Variants in GALNT14 observed in about 807,000 individuals in gnomAD.
GALNT14 encodes polypeptide N-acetylgalactosaminyltransferase 14, also known as UDP-GalNAc:polypeptide N-acetylgalactosaminyltransferase 14.
In GALNT14, 60 loss-of-function variants were observed where a neutral mutation model predicts 77.5. The observed-to-expected ratio is 0.77, with a 90% CI of 0.63 to 0.96. GALNT14 has a LOEUF of 0.96. GALNT14 is among the 40% of genes least tolerant of loss of function. The pLI is 0.00. For synonymous variants in GALNT14, 280 were observed against 281.7 expected (o/e 0.99, Z 0.06); for missense variants, 710 against 731.0 (o/e 0.97, Z 0.33).
intron 2 of GALNT14, among the ~76,000 whole-genome samples, chr2:30,975,414 T>C (rs1456019621): frequency 2.0e-5 from 3 of 152,248 alleles, no homozygotes; most frequent in African/African-American, 7.2e-5. Flanking sequence ...TAAATGTGTC[T>C]GCTCTGAATG....
chr2:30,892,227 C>T, the GALNT14 span, among the ~76,000 whole-genome samples: 27 of 151,914 alleles, frequency 1.8e-4, 1 homozygote, highest in Non-Finnish European at 3.5e-4. Context: ...AGAAACAAAT[C>T]CAAAGAAAAT....
chr2:30,970,013 T>C (rs117925623), intron 2 of GALNT14, among the ~76,000 whole-genome samples: 3,459 of 152,328 alleles, frequency 0.023, 143 homozygotes, highest in East Asian at 0.21. Context: ...ATAACAATTC[T>C]GGAAGATTTT....
rs1274899253 is a variant in GALNT14 at position 31,072,272 on chromosome 2, CACACACACAT to C, written c.129+65676_129+65685del. 1.2e-4 allele frequency among the ~76,000 whole-genome samples: 5 copies of C among 42,942 alleles called. No homozygotes were observed. In the South Asian group the frequency reaches 1.4e-3, roughly 12 times the overall value. 28.2% of individuals were successfully genotyped at this position (42,942 alleles called of 152,430 possible). A position where few individuals can be genotyped will look rare whatever the true frequency, so the allele number is the denominator to read the frequency against. ...CTCTTTTCTCTCTCTCTCACACACACACACACACATACACACACACACACACACACATACA... is the reference window on the plus strand; with the variant it reads ...CTCTTTTCTCTCTCTCTCACACACACACACACACACACACACACACATACA... On this transcript the variant is annotated intron_variant, in intron 1 of 14. Coordinates refer to ENST00000349752, the MANE Select transcript of GALNT14 (RefSeq NM_024572.4).
At chr2:30,923,585 G>A (rs1040453946) in intron 13 of GALNT14, among the ~76,000 whole-genome samples, 2 of 152,188 alleles carry the variant, frequency 1.3e-5, no homozygotes, top group African/African-American at 4.8e-5. Context: ...AGGTGAAGCT[G>A]GGGATGAAGA....
chr2:31,033,716 C>A (rs1245417051), intron 1 of GALNT14, among the ~76,000 whole-genome samples: 2 of 152,116 alleles, frequency 1.3e-5, no homozygotes, highest in Non-Finnish European at 2.9e-5. Flanking sequence ...TTTGTCCATC[C>A]TATCCCCAGC....
At chr2:31,076,629 A>AT (rs35108670) in intron 1 of GALNT14, among the ~76,000 whole-genome samples, 3,822 of 101,858 alleles carry the variant, frequency 0.038, 97 homozygotes, top group African/African-American at 0.082. Flanking sequence ...ATATATATAT[A>AT]TTTTTTTTTT....
intron 13 of GALNT14, among the ~76,000 whole-genome samples, chr2:30,912,983 C>T (rs1057038137): frequency 2.0e-5 from 3 of 152,046 alleles, no homozygotes; most frequent in African/African-American, 4.8e-5. Context: ...TCTTTTGGCC[C>T]CTGAGCTCTT....
chr2:30,959,823 C>G (rs1450792156), intron 3 of GALNT14, among the ~76,000 whole-genome samples: 2 of 152,168 alleles, frequency 1.3e-5, no homozygotes, highest in Non-Finnish European at 2.9e-5. Flanking sequence ...TCCTGCTTCT[C>G]CTGAACACCC....
At chr2:31,013,231 G>T (rs1671147853) in intron 1 of GALNT14, among the ~76,000 whole-genome samples, 1 of 152,000 alleles carries the variant, frequency 6.6e-6, no homozygotes, top group Non-Finnish European at 1.5e-5. Flanking sequence ...CTGAAGCAGA[G>T]AAACAGATGG....
At chr2:30,924,370 T>C (rs968827038) in intron 12 of GALNT14, 107 bp from the exon 13 acceptor site, 9 of 1,219,226 alleles carry the variant, frequency 7.4e-6, no homozygotes, top group Non-Finnish European at 1.1e-5. Flanking sequence ...GGCTGGGCTG[T>C]TAGAAAATAT....
At chr2:30,909,512 A>C (rs1327756180), downstream of GALNT14, among the ~76,000 whole-genome samples, 6 of 150,800 alleles carry the variant, frequency 4.0e-5, no homozygotes, top group East Asian at 1.2e-3. Flanking sequence ...ACAATGAGAT[A>C]CCATCTCACA....
the GALNT14 span, among the ~76,000 whole-genome samples, chr2:30,904,653 C>G: frequency 6.6e-6 from 1 of 152,238 alleles, no homozygotes; most frequent in South Asian, 2.1e-4. Flanking sequence ...CGCCATTGCC[C>G]AGGCTTGATT....
At chr2:31,010,826 A>C (rs935018262) in intron 1 of GALNT14, among the ~76,000 whole-genome samples, 1 of 151,934 alleles carries the variant, frequency 6.6e-6, no homozygotes, top group Non-Finnish European at 1.5e-5. Flanking sequence ...CATCCATCTC[A>C]TCCCATCTCA....
At chr2:31,085,618 T>C (rs1311761166) in intron 1 of GALNT14, among the ~76,000 whole-genome samples, 1 of 152,208 alleles carries the variant, frequency 6.6e-6, no homozygotes, top group Non-Finnish European at 1.5e-5. Flanking sequence ...CCCAGTCCCC[T>C]TCTCCTCCGG....
Position 31,064,452 on chromosome 2 carries a change from G to A in GALNT14, c.130-71445C>T, listed in dbSNP as rs533309604. On this transcript the variant is annotated intron_variant, in intron 1 of 14. Coordinates refer to ENST00000349752, the MANE Select transcript of GALNT14 (RefSeq NM_024572.4). ...TTGTGTTGTCCCAAACCCTGTCCCCGAAAACCAAAGGAACTCCACTTTTAC... is the reference window on the plus strand; with the variant it reads ...TTGTGTTGTCCCAAACCCTGTCCCCAAAAACCAAAGGAACTCCACTTTTAC... 1.8e-3 allele frequency among the ~76,000 whole-genome samples: 279 copies of A among 152,268 alleles called. 1 individual carries two copies. Among genetic ancestry groups the A allele is most frequent in the African/African-American group, 6.5e-3 (270 of 41,540 alleles).
chr2:31,109,579 C>G (rs534936854), intron 1 of GALNT14, among the ~76,000 whole-genome samples: 1 of 152,326 alleles, frequency 6.6e-6, no homozygotes, highest in South Asian at 2.1e-4. Flanking sequence ...ATGAAATACA[C>G]ATAAACACAC....
intron 1 of GALNT14, among the ~76,000 whole-genome samples, chr2:31,116,772 TG>T (rs1678126340): frequency 6.6e-6 from 1 of 152,126 alleles, no homozygotes; most frequent in Non-Finnish European, 1.5e-5. Flanking sequence ...TGGCCAGGCG[TG>T]GTAGCTCACA....
the GALNT14 span, among the ~76,000 whole-genome samples, chr2:30,895,529 A>G: frequency 2.6e-5 from 4 of 152,184 alleles, no homozygotes; most frequent in Non-Finnish European, 4.4e-5. Context: ...CAATTAGTGT[A>G]AAGTTCATAA....
rs142184765 is a variant in GALNT14 at position 31,026,409 on chromosome 2, C to T, written c.130-33402G>A. Among the ~76,000 whole-genome samples the T allele has an allele frequency of 2.2e-3, 333 of 152,292 alleles. 2 individuals are homozygous for T. Among genetic ancestry groups the T allele is most frequent in the African/African-American group, 7.8e-3 (326 of 41,556 alleles). ...CTGTCTCCCTTACACCCTCCTGTTG[C>T]TTTTAATTGGATGCAGAGTGTCTTG... On this transcript the variant is annotated intron_variant, in intron 1 of 14. Transcript: ENST00000349752.
Sources: allele counts gnomAD v4.1 joint callset (sites outside exome capture counted in the v4.1 genomes callset), GRCh38; gene constraint gnomAD v4.1.1; transcripts MANE v1.5; gene names NCBI Gene and HGNC (gene_info 2026-07-23, HGNC 2026-07-21).